Variants in WBP1L observed in about 807,000 individuals in gnomAD.
WBP1L encodes WW domain binding protein 1-like.
In WBP1L, 17 loss-of-function variants were observed where a neutral mutation model predicts 33.7. The ratio of observed to expected loss-of-function variants is 0.50; its 90% confidence interval spans 0.34 to 0.76. The LOEUF is 0.76. Ranked by LOEUF, WBP1L falls within the 30% of genes least tolerant of loss-of-function variation. The pLI, the probability that WBP1L is intolerant of heterozygous loss-of-function variation, is 0.01. For synonymous variants in WBP1L, 173 were observed against 190.8 expected (o/e 0.91, Z 0.77); for missense variants, 389 against 469.4 (o/e 0.83, Z 1.58).
chr10:102,805,342 G>A (rs1230800197), intron 2 of WBP1L, among the ~76,000 whole-genome samples: 3 of 151,968 alleles, frequency 2.0e-5, no homozygotes, highest in Non-Finnish European at 2.9e-5. Flanking sequence ...CATATATATT[G>A]CAGTATAAAA....
At chr10:102,764,361 C>T (rs1157635002) in intron 1 of WBP1L, among the ~76,000 whole-genome samples, 3 of 152,190 alleles carry the variant, frequency 2.0e-5, no homozygotes, top group African/African-American at 7.2e-5. Context: ...GAGGTACTTT[C>T]CCCCTAAGCT....
chr10:102,813,571 C>G lies in WBP1L; in HGVS notation c.*240C>G. ...GGCTAAGTTGGTTCTGTGACTCATT[C>G]CTCATACCCTAACTCCATCTCCTTT... On this transcript the variant is annotated 3_prime_UTR_variant, in exon 4 of 4. Transcript: ENST00000448841. The G allele has an allele frequency of 1.8e-6, 1 of 565,048 alleles. No individual in the cohort carries two copies. Among genetic ancestry groups the G allele is most frequent in the Non-Finnish European group, 3.1e-6 (1 of 320,986 alleles). The allele number at this position is 565,048 out of a possible 1,614,324, so 35.0% of individuals were successfully genotyped here.
Position 102,813,958 on chromosome 10 carries a change from TC to T in WBP1L, c.*629del, listed in dbSNP as rs1310558382. On this transcript the variant is annotated 3_prime_UTR_variant, in exon 4 of 4. Transcript: ENST00000448841. ...TGACAAGATCTATGCACCCCATGCG[TC>T]CTTGAGGGGCCTCTTCCCCGCAGGC... The T allele has an allele frequency of 1.3e-5, 2 of 152,402 alleles. No homozygotes were observed. Among genetic ancestry groups the T allele is most frequent in the Non-Finnish European group, 2.9e-5 (2 of 68,196 alleles). The allele number at this position is 152,402 out of a possible 1,614,324, so 9.4% of individuals were successfully genotyped here. A position where few individuals can be genotyped will look rare whatever the true frequency, so the allele number is the denominator to read the frequency against.
At position 102,779,681 on chromosome 10, in the gene WBP1L, C is replaced by A. The variant is rs573489337; in HGVS notation, c.91-18312C>A. On this transcript the variant is annotated intron_variant, in intron 1 of 3. Coordinates refer to ENST00000448841, the MANE Select transcript of WBP1L (RefSeq NM_001083913.2). Reference sequence around the variant, plus strand: ...GTGAAGTTCCCCAGGTGTTTCTGATCCCGGTTGTTTCCGGCCACACTTTGA... The same window carrying A: ...GTGAAGTTCCCCAGGTGTTTCTGATACCGGTTGTTTCCGGCCACACTTTGA... Among the ~76,000 whole-genome samples, 10 of 129,086 alleles carry A rather than the reference C, an allele frequency of 7.7e-5. No individual in the cohort carries two copies. The East Asian group carries it at 2.0e-3, about 26-fold the overall frequency. 84.7% of individuals were successfully genotyped at this position (129,086 alleles called of 152,430 possible).
At chr10:102,794,127 T>TCGC in intron 1 of WBP1L, among the ~76,000 whole-genome samples, 1 of 149,828 alleles carries the variant, frequency 6.7e-6, no homozygotes, top group Non-Finnish European at 1.5e-5. Flanking sequence ...CGGGAGGTGT[T>TCGC]TGAGTCCTAG....
At position 102,812,581 on chromosome 10, in the gene WBP1L, C is replaced by T; in HGVS notation, c.356-14C>T. The T allele has an allele frequency of 1.9e-6, 3 of 1,555,554 alleles. No homozygotes were observed. The highest frequency in any genetic ancestry group is 2.6e-6 in the Non-Finnish European group (3 of 1,147,740). ...CCAGTGCAGTAATTTCTCCTTCCTACCTCCCCATTTTAGGGTTTTTGCCAA... is the reference window on the plus strand; with the variant it reads ...CCAGTGCAGTAATTTCTCCTTCCTATCTCCCCATTTTAGGGTTTTTGCCAA... On this transcript the variant is annotated splice_polypyrimidine_tract_variant and intron_variant, in intron 3 of 3. Transcript: ENST00000448841.
intron 1 of WBP1L, among the ~76,000 whole-genome samples, chr10:102,795,725 G>A (rs1843564365): frequency 6.6e-6 from 1 of 152,196 alleles, no homozygotes; most frequent in African/African-American, 2.4e-5. Flanking sequence ...AAACTATGTG[G>A]ACACTTTGAA....
intron 1 of WBP1L, among the ~76,000 whole-genome samples, chr10:102,767,807 T>A (rs931038250): frequency 6.6e-6 from 1 of 152,152 alleles, no homozygotes; most frequent in Admixed American, 6.5e-5. Flanking sequence ...TAGAAATTCC[T>A]ATATTTGATA....
At chr10:102,779,876 AT>A (rs1257351463) in intron 1 of WBP1L, among the ~76,000 whole-genome samples, 1 of 152,250 alleles carries the variant, frequency 6.6e-6, no homozygotes, top group Non-Finnish European at 1.5e-5. Flanking sequence ...CTCTTGAAGG[AT>A]GAGGAGGAGA....
In WBP1L at chr10:102,798,075, A is replaced by G. The variant is rs1206383673; in HGVS notation, c.173A>G (p.Asn58Ser). Reference sequence around the variant, plus strand: ...TGCTGTGGACAGTCTCAGTGCTGCAACTACTACTATGAACTCTGGTGTAAG... The same window carrying G: ...TGCTGTGGACAGTCTCAGTGCTGCAGCTACTACTATGAACTCTGGTGTAAG... ...GHCCGQSQCC[N>S]YYYELWWFWL... Residue 58 changes from asparagine to serine, a missense_variant, in exon 2 of 4, where the codon AAC becomes AGC. Coordinates refer to ENST00000448841, the MANE Select transcript of WBP1L (RefSeq NM_001083913.2). 10 of 1,614,168 alleles carry G rather than the reference A, an allele frequency of 6.2e-6. No homozygotes were observed. Among genetic ancestry groups the G allele is most frequent in the Admixed American group, 1.7e-5 (1 of 60,018 alleles).
At chr10:102,767,102 T>C (rs1843121516) in intron 1 of WBP1L, among the ~76,000 whole-genome samples, 2 of 152,214 alleles carry the variant, frequency 1.3e-5, no homozygotes, top group Non-Finnish European at 2.9e-5. Context: ...AAGGCTACTT[T>C]GTACTTGATG....
chr10:102,772,256 C>G (rs1354958251), intron 1 of WBP1L, among the ~76,000 whole-genome samples: 1 of 97,324 alleles, frequency 1.0e-5, no homozygotes, highest in Admixed American at 1.2e-4. Context: ...CTGCGCCCGG[C>G]CTTTTTTTTT....
chr10:102,774,741 T>C (rs982456680), intron 1 of WBP1L, among the ~76,000 whole-genome samples: 16 of 152,132 alleles, frequency 1.1e-4, no homozygotes, highest in African/African-American at 3.1e-4. Context: ...CTTGGATAAG[T>C]ATCATGAAAG....
At chr10:102,784,660 C>T (rs992890581) in intron 1 of WBP1L, among the ~76,000 whole-genome samples, 28 of 151,938 alleles carry the variant, frequency 1.8e-4, no homozygotes, top group Admixed American at 7.9e-4. Flanking sequence ...CTCCTGATCT[C>T]GTGATCTGCC....
At chr10:102,753,110 C>T (rs919621467) in intron 1 of WBP1L, among the ~76,000 whole-genome samples, 1 of 152,174 alleles carries the variant, frequency 6.6e-6, no homozygotes, top group Non-Finnish European at 1.5e-5. Context: ...TCCTACTACC[C>T]CATTCATGGA....
chr10:102,768,005 G>A (rs1019112784), intron 1 of WBP1L, among the ~76,000 whole-genome samples: 7 of 152,062 alleles, frequency 4.6e-5, no homozygotes, highest in African/African-American at 9.7e-5. Context: ...TCTGCTCTGC[G>A]TAGTGTGCTC....
intron 1 of WBP1L, among the ~76,000 whole-genome samples, chr10:102,760,011 A>G (rs1564754885): frequency 6.6e-6 from 1 of 152,176 alleles, no homozygotes; most frequent in Non-Finnish European, 1.5e-5. Flanking sequence ...AATTTCTCCA[A>G]CACTTGTTAT....
intron 1 of WBP1L, chr10:102,744,439 T>A (rs2134020745): frequency 1.0e-6 from 1 of 985,236 alleles, no homozygotes; most frequent in East Asian, 1.1e-4. Flanking sequence ...AAGCTGAGGA[T>A]GTGGGCCTTA....
At chr10:102,776,137 G>C in intron 1 of WBP1L, 1 of 1,376,960 alleles carries the variant, frequency 7.3e-7, no homozygotes, top group Non-Finnish European at 9.4e-7. Flanking sequence ...AGACAGCTTC[G>C]GCTTTGCTGC....
Sources: gnomAD v4.1 joint callset for allele counts (sites outside exome capture counted in the v4.1 genomes callset) on GRCh38, gnomAD v4.1.1 for gene constraint, MANE v1.5 for transcripts, NCBI Gene and HGNC (gene_info 2026-07-23, HGNC 2026-07-21) for gene names.